CABCOCO1: variants seen among roughly 807,000 people sequenced by gnomAD.
CABCOCO1 encodes ciliary associated calcium binding coiled-coil 1, also known as ciliary-associated calcium-binding coiled-coil protein 1.
Under a neutral mutation model 35.7 loss-of-function variants are expected in CABCOCO1, and 28 were observed. The observed-to-expected ratio is 0.78, with a 90% CI of 0.58 to 1.07. The LOEUF (loss-of-function observed/expected upper bound fraction) is 1.07. CABCOCO1 is among the 50% of genes least tolerant of loss of function. The probability of loss-of-function intolerance (pLI) is 0.00; values close to 1 mark genes in which losing one functional copy is unlikely to be tolerated. For synonymous variants in CABCOCO1, 95 were observed against 100.1 expected, an observed-to-expected ratio of 0.95 and a Z score of 0.30; for missense variants, 326 against 309.2, an observed-to-expected ratio of 1.05 and a Z score of -0.41.
intron 5 of CABCOCO1, among the ~76,000 whole-genome samples, chr10:61,724,464 G>A (rs571299875): frequency 1.5e-4 from 23 of 152,298 alleles, no homozygotes; most frequent in Non-Finnish European, 2.9e-5. Flanking sequence ...AGAAATAGCT[G>A]TGAGCCTTTT....
At chr10:61,756,217 A>C (rs537677168) in intron 5 of CABCOCO1, among the ~76,000 whole-genome samples, 1 of 152,188 alleles carries the variant, frequency 6.6e-6, no homozygotes, top group East Asian at 1.9e-4. Flanking sequence ...ACCGTAGCAC[A>C]AGTCAAGTAA....
rs60971419 is a variant in CABCOCO1, at chr10:61,679,329, C to CTATATCTATATCTAATCTATCTA, written c.165-1811_165-1810insATCTATATCTAATCTATCTATAT. 5.0e-3 allele frequency among the ~76,000 whole-genome samples: 709 copies of CTATATCTATATCTAATCTATCTA among 142,840 alleles called. 6 individuals carry two copies. The highest frequency in any genetic ancestry group is 0.017 in the African/African-American group (653 of 39,046). The allele number at this position is 142,840 out of a possible 152,430, so 93.7% of individuals were successfully genotyped here. On this transcript the variant is annotated intron_variant, in intron 2 of 7. Coordinates refer to ENST00000648843, the MANE Select transcript of CABCOCO1 (RefSeq NM_001366906.2). ...TCTATATCTATATCTATATCTATAT[C>CTATATCTATATCTAATCTATCTA]TATCTATATCTATCTATCTATCTGC...
intron 5 of CABCOCO1, among the ~76,000 whole-genome samples, chr10:61,701,232 T>C (rs1366039480): frequency 1.3e-5 from 2 of 152,170 alleles, no homozygotes; most frequent in African/African-American, 4.8e-5. Flanking sequence ...AAAGTTTTAC[T>C]CTGTTCCCTT....
rs1840214538 is a variant in CABCOCO1, at chr10:61,693,607, G to T, written c.552+2986G>T. On this transcript the variant is annotated intron_variant, in intron 5 of 7. Transcript: ENST00000648843. The stretch of plus-strand genomic sequence containing the variant: ...AATAATAGATCTAGGCAATGATGAT[G>T]AGTGGCTCCTGACATCACAAAAAGA... Among the ~76,000 whole-genome samples the T allele has an allele frequency of 2.6e-5, 4 of 152,166 alleles. No individual in the cohort carries two copies. The South Asian group carries it at 8.3e-4, about 32-fold the overall frequency.
intron 3 of CABCOCO1, chr10:61,685,491 C>A (rs1194082371): frequency 6.8e-6 from 1 of 147,806 alleles, no homozygotes; most frequent in African/African-American, 2.4e-5. Flanking sequence ...TCTTTTTTTT[C>A]ATCCTAAAAT....
At chr10:61,697,567 A>C (rs1352606224) in intron 5 of CABCOCO1, among the ~76,000 whole-genome samples, 2 of 152,106 alleles carry the variant, frequency 1.3e-5, no homozygotes, top group Non-Finnish European at 2.9e-5. Flanking sequence ...AATATGGCTT[A>C]CTTTTGGGTA....
chr10:61,706,936 G>A (rs895258710), intron 5 of CABCOCO1, among the ~76,000 whole-genome samples: 2 of 152,010 alleles, frequency 1.3e-5, no homozygotes, highest in Non-Finnish European at 2.9e-5. Context: ...TGCCATCCCC[G>A]TTACTTTCCC....
intron 5 of CABCOCO1, among the ~76,000 whole-genome samples, chr10:61,745,689 G>A (rs112815289): frequency 2.6e-5 from 4 of 152,130 alleles, no homozygotes; most frequent in East Asian, 1.9e-4. Context: ...TGAATCTTAC[G>A]CAAAACACAA....
intron 5 of CABCOCO1, among the ~76,000 whole-genome samples, chr10:61,691,330 C>T (rs1411437120): frequency 2.0e-5 from 3 of 152,054 alleles, no homozygotes; most frequent in Non-Finnish European, 1.5e-5. Flanking sequence ...GATACAGTAA[C>T]CCCTCAATTA....
intron 5 of CABCOCO1, among the ~76,000 whole-genome samples, chr10:61,715,546 C>T (rs953683791): frequency 2.6e-5 from 4 of 152,116 alleles, no homozygotes; most frequent in Non-Finnish European, 4.4e-5. Flanking sequence ...TGAATTTGAT[C>T]CTGTCATTGT....
chr10:61,727,888 T>A (rs1456819259), intron 5 of CABCOCO1, among the ~76,000 whole-genome samples: 2 of 152,190 alleles, frequency 1.3e-5, no homozygotes, highest in Non-Finnish European at 2.9e-5. Context: ...CATCCCTCTA[T>A]ATATAAACTA....
chr10:61,759,972 A>G (rs1841972193), intron 5 of CABCOCO1, 87 bp from the exon 6 acceptor site: 2 of 1,493,078 alleles, frequency 1.3e-6, no homozygotes, highest in Non-Finnish European at 1.8e-6. Context: ...CAGACTTGGA[A>G]CTATGGTACA....
intron 5 of CABCOCO1, among the ~76,000 whole-genome samples, chr10:61,744,276 T>C (rs1181005515): frequency 1.3e-5 from 2 of 152,154 alleles, no homozygotes; most frequent in Admixed American, 6.6e-5. Flanking sequence ...CTGAATTGAA[T>C]TGAAATTTCC....
intron 5 of CABCOCO1, among the ~76,000 whole-genome samples, chr10:61,730,183 C>T (rs1041897409): frequency 7.3e-6 from 1 of 137,770 alleles, no homozygotes; most frequent in East Asian, 2.0e-4. Context: ...AAAAAAAAAA[C>T]TAGAGCTTCT....
chr10:61,695,819 C>A (rs1840279365), intron 5 of CABCOCO1, among the ~76,000 whole-genome samples: 1 of 151,720 alleles, frequency 6.6e-6, no homozygotes, highest in Non-Finnish European at 1.5e-5. Context: ...AAGAAGGCAA[C>A]AGAAACATGG....
chr10:61,725,661 T>C, intron 5 of CABCOCO1, among the ~76,000 whole-genome samples: 1 of 151,734 alleles, frequency 6.6e-6, no homozygotes, highest in South Asian at 2.1e-4. Flanking sequence ...CTAATGTAAA[T>C]GATGAGTTAA....
intron 5 of CABCOCO1, among the ~76,000 whole-genome samples, chr10:61,739,278 T>A (rs1841492844): frequency 6.6e-6 from 1 of 152,182 alleles, no homozygotes; most frequent in African/African-American, 2.4e-5. Context: ...GAAAGTGAAG[T>A]TTTATTTAGA....
rs140592789 is a variant in CABCOCO1, at chr10:61,672,765, A to G, written c.164+30A>G. 722 of 980,554 alleles carry G rather than the reference A, an allele frequency of 7.4e-4. 1 individual carries two copies. The African/African-American group carries it at 0.012, about 16-fold the overall frequency. 60.7% of individuals were successfully genotyped at this position (980,554 alleles called of 1,614,324 possible). ...GCACTTCACTATTACAATCACATGT[A>G]GAAGAACAGTTCGAGTTCTGCATCT... On this transcript the variant is annotated intron_variant, in intron 2 of 7. Transcript: ENST00000648843.
rs1043041887 is a variant in CABCOCO1 at position 61,712,680 on chromosome 10, T to C, written c.552+22059T>C. ...TTAATCCATCTTGAAATAATTTATG[T>C]ATAAGGTGTAATTAAGGGATTTAGT... On this transcript the variant is annotated intron_variant, in intron 5 of 7. Transcript: ENST00000648843. 5.9e-5 allele frequency among the ~76,000 whole-genome samples: 9 copies of C among 152,346 alleles called. No homozygotes were observed. The East Asian group carries it at 1.2e-3, about 20-fold the overall frequency.
Sources: allele counts gnomAD v4.1 joint callset (sites outside exome capture counted in the v4.1 genomes callset), GRCh38; gene constraint gnomAD v4.1.1; transcripts MANE v1.5; gene names NCBI Gene and HGNC (gene_info 2026-07-23, HGNC 2026-07-21).